The following XIRP2 variants were observed in gnomAD, a reference collection of about 807,000 sequenced individuals.
XIRP2 encodes xin actin binding repeat containing 2.
In XIRP2, 236 loss-of-function variants were observed where a neutral mutation model predicts 277.0. The observed-to-expected ratio is 0.85, with a 90% confidence interval of 0.77 to 0.95. The LOEUF is 0.95. Among genes scored for constraint, XIRP2 ranks in the 40% least tolerant of loss-of-function variants. The pLI is 0.00. For missense variants in XIRP2, 4,640 were observed against 4,157.5 expected (o/e 1.12, Z -3.19); for synonymous variants, 1,490 against 1,416.5 (o/e 1.05, Z -1.17).
At chr2:167,124,312 C>A (rs1691138656) in intron 2 of XIRP2, 1 of 152,042 alleles carries the variant, frequency 6.6e-6, no homozygotes, top group Non-Finnish European at 1.5e-5. Flanking sequence ...AAAGTTTTGG[C>A]AATAAAGTTT....
chr2:167,013,837 A>T (rs1244220444), intron 2 of XIRP2, among the ~76,000 whole-genome samples: 4 of 151,250 alleles, frequency 2.6e-5, no homozygotes, highest in African/African-American at 4.8e-5. Context: ...TGTAGGTCCA[A>T]GGTTTTTCTT....
intron 2 of XIRP2, among the ~76,000 whole-genome samples, chr2:167,071,312 A>G (rs1689431634): frequency 6.6e-6 from 1 of 151,834 alleles, no homozygotes; most frequent in Non-Finnish European, 1.5e-5. Context: ...AAGTTAATGA[A>G]TTAACAAAGT....
intron 3 of XIRP2, among the ~76,000 whole-genome samples, chr2:167,177,061 G>T (rs1692868342): frequency 2.0e-5 from 3 of 152,126 alleles, no homozygotes; most frequent in Admixed American, 1.3e-4. Context: ...ACAGTTGGTG[G>T]GCAGGCGTAG....
At chr2:167,076,985 C>A (rs1395390258) in intron 2 of XIRP2, among the ~76,000 whole-genome samples, 2 of 151,854 alleles carry the variant, frequency 1.3e-5, no homozygotes, top group African/African-American at 4.8e-5. Context: ...CACATGCCCC[C>A]CTACTTGGCT....
chr2:167,147,968 C>G (rs1691905261), intron 3 of XIRP2, among the ~76,000 whole-genome samples: 1 of 152,068 alleles, frequency 6.6e-6, no homozygotes, highest in Non-Finnish European at 1.5e-5. Flanking sequence ...AGCCTTACAC[C>G]TTCATCAGTT....
At chr2:166,900,351 G>T (rs186173156) in intron 1 of XIRP2, among the ~76,000 whole-genome samples, 89 of 151,748 alleles carry the variant, frequency 5.9e-4, no homozygotes, top group Middle Eastern at 3.4e-3. Context: ...TCTTCTATTT[G>T]TTTGCTAAGG....
intron 5 of XIRP2, among the ~76,000 whole-genome samples, chr2:167,233,585 T>C (rs1034240942): frequency 6.6e-6 from 1 of 151,652 alleles, no homozygotes; most frequent in African/African-American, 2.4e-5. Context: ...GACATAGAAA[T>C]CAGTTGGATA....
chr2:166,954,914 C>T (rs1366573832), intron 2 of XIRP2, among the ~76,000 whole-genome samples: 7 of 151,552 alleles, frequency 4.6e-5, no homozygotes. Context: ...GGGCCTGTTG[C>T]AGGAGGGTAG....
chr2:167,213,570 G>T (rs1477697659), intron 4 of XIRP2, among the ~76,000 whole-genome samples: 1 of 152,114 alleles, frequency 6.6e-6, no homozygotes, highest in Non-Finnish European at 1.5e-5. Context: ...CAAATAATAA[G>T]AAACACAGAA....
At chr2:167,023,017 G>A (rs912088611) in intron 2 of XIRP2, among the ~76,000 whole-genome samples, 1 of 152,288 alleles carries the variant, frequency 6.6e-6, no homozygotes. Flanking sequence ...CTAGATCCCT[G>A]AGGAATCGCC....
At chr2:166,931,709 T>C (rs753695708) in intron 2 of XIRP2, among the ~76,000 whole-genome samples, 11 of 152,212 alleles carry the variant, frequency 7.2e-5, no homozygotes, top group Admixed American at 2.0e-4. Context: ...TTTACTACTT[T>C]ATTCAATTTT....
At chr2:166,901,147 C>G (rs1459553871) in intron 1 of XIRP2, among the ~76,000 whole-genome samples, 4 of 152,046 alleles carry the variant, frequency 2.6e-5, no homozygotes, top group African/African-American at 9.7e-5. Context: ...TGACACTTTT[C>G]AGCTTATTTG....
At chr2:167,124,559 C>T (rs890701449) in intron 2 of XIRP2, 2 of 152,260 alleles carry the variant, frequency 1.3e-5, no homozygotes, top group Admixed American at 1.3e-4. Flanking sequence ...ATGTTAGACT[C>T]AGTGTGGCTA....
chr2:167,043,831 T>C (rs949343828), intron 2 of XIRP2, among the ~76,000 whole-genome samples: 1 of 151,970 alleles, frequency 6.6e-6, no homozygotes, highest in Admixed American at 6.6e-5. Context: ...TTTATTATGT[T>C]TATACTGTAA....
intron 2 of XIRP2, among the ~76,000 whole-genome samples, chr2:167,086,700 C>T (rs1407461652): frequency 6.6e-6 from 1 of 151,804 alleles, no homozygotes; most frequent in African/African-American, 2.4e-5. Flanking sequence ...ATTTCATCTT[C>T]CATTGCTGAT....
intron 3 of XIRP2, among the ~76,000 whole-genome samples, chr2:167,144,490 TAA>T: frequency 1.3e-5 from 2 of 148,148 alleles, no homozygotes; most frequent in South Asian, 2.1e-4. Context: ...AGATCATCTT[TAA>T]AAAAAAAAAT....
intron 2 of XIRP2, among the ~76,000 whole-genome samples, chr2:167,126,974 C>G (rs1426162547): frequency 6.6e-6 from 1 of 152,116 alleles, no homozygotes; most frequent in African/African-American, 2.4e-5. Context: ...ATTATTATTA[C>G]TATTCAAATT....
At chr2:167,088,258 A>T (rs1690023710) in intron 2 of XIRP2, among the ~76,000 whole-genome samples, 1 of 152,122 alleles carries the variant, frequency 6.6e-6, no homozygotes, top group African/African-American at 2.4e-5. Flanking sequence ...GAAGTTTGTC[A>T]GTAATTTTTC....
chr2:166,962,870 T>G (rs545892043), intron 2 of XIRP2, among the ~76,000 whole-genome samples: 4 of 151,680 alleles, frequency 2.6e-5, no homozygotes, highest in Non-Finnish European at 5.9e-5. Context: ...TTTAAACCAG[T>G]TTTTTTCTTA....
Sources: gnomAD v4.1 joint callset for allele counts (sites outside exome capture counted in the v4.1 genomes callset) on GRCh38, gnomAD v4.1.1 for gene constraint, MANE v1.5 for transcripts, NCBI Gene and HGNC (gene_info 2026-07-23, HGNC 2026-07-21) for gene names.